Variants in CFAP263 observed in about 807,000 individuals in gnomAD.
CFAP263 encodes the protein cilia- and flagella-associated protein 263.
the CFAP263 span, chr16:58,262,292 C>T: frequency 9.9e-6 from 12 of 1,217,948 alleles, no homozygotes; most frequent in Middle Eastern, 2.0e-4. Context: ...GATGACTGAC[C>T]TCCAAAGTCT....
the CFAP263 span, among the ~76,000 whole-genome samples, chr16:58,260,526 A>G: frequency 2.0e-5 from 3 of 152,100 alleles, no homozygotes; most frequent in Admixed American, 6.6e-5. Flanking sequence ...AATTTAAAAG[A>G]CCCTCAAGAC....
the CFAP263 span, among the ~76,000 whole-genome samples, chr16:58,279,478 T>C: frequency 6.6e-6 from 1 of 152,006 alleles, no homozygotes; most frequent in Admixed American, 6.6e-5. Flanking sequence ...AGAAACATGC[T>C]CTATAGAAAA....
the CFAP263 span, chr16:58,279,688 C>A: frequency 6.5e-7 from 1 of 1,540,612 alleles, no homozygotes. Flanking sequence ...TTTTTTTTTG[C>A]AGATGTCCTT....
the CFAP263 span, chr16:58,280,894 A>G: frequency 1.3e-6 from 1 of 773,472 alleles, no homozygotes; most frequent in South Asian, 2.2e-5. Flanking sequence ...TATAGGATAC[A>G]ATTTCAAATC....
the CFAP263 span, chr16:58,259,865 G>T: frequency 1.3e-6 from 2 of 1,578,594 alleles, no homozygotes; most frequent in South Asian, 2.3e-5. Context: ...ATAATATGAA[G>T]GAGAAATTAC....
At chr16:58,259,241 A>C in the CFAP263 span, among the ~76,000 whole-genome samples, 5 of 152,122 alleles carry the variant, frequency 3.3e-5, no homozygotes, top group Non-Finnish European at 4.4e-5. Context: ...AACCTTTAAA[A>C]AAATTGTTAT....
At chr16:58,279,607 T>G in the CFAP263 span, 1 of 1,137,782 alleles carries the variant, frequency 8.8e-7, no homozygotes, top group Non-Finnish European at 1.2e-6. Flanking sequence ...GCATTCTCAG[T>G]AGCCACAATC....
the CFAP263 span, among the ~76,000 whole-genome samples, chr16:58,270,461 G>T: frequency 6.6e-6 from 1 of 151,416 alleles, no homozygotes. Flanking sequence ...TATTGTTTTT[G>T]CACTATCTTA....
chr16:58,260,007 C>A, the CFAP263 span: 3 of 901,952 alleles, frequency 3.3e-6, no homozygotes, highest in East Asian at 2.6e-5. Context: ...AGGTTCCCAC[C>A]CCCACCCCAA....
the CFAP263 span, among the ~76,000 whole-genome samples, chr16:58,263,883 G>A: frequency 6.6e-6 from 1 of 152,146 alleles, no homozygotes; most frequent in African/African-American, 2.4e-5. Context: ...GGAGGCTGAG[G>A]CATAAGGATT....
At chr16:58,264,340 C>T in the CFAP263 span, among the ~76,000 whole-genome samples, 3 of 152,210 alleles carry the variant, frequency 2.0e-5, 1 homozygote, top group African/African-American at 4.8e-5. Context: ...GGAAATGGAG[C>T]TACTGATTTT....
the CFAP263 span, chr16:58,262,235 C>A: frequency 1.4e-6 from 1 of 696,278 alleles, no homozygotes; most frequent in Non-Finnish European, 2.4e-6. Context: ...TAACACCATG[C>A]CTGGGACCAA....
At chr16:58,270,844 T>C in the CFAP263 span, among the ~76,000 whole-genome samples, 21,740 of 152,164 alleles carry the variant, frequency 0.14, 1,677 homozygotes, top group East Asian at 0.2. Context: ...GAAATATGTT[T>C]ACAGAGTTTG....
chr16:58,250,612 A>G, the CFAP263 span, among the ~76,000 whole-genome samples: 3 of 152,242 alleles, frequency 2.0e-5, no homozygotes, highest in Non-Finnish European at 4.4e-5. Flanking sequence ...TAAAGATACA[A>G]AAATTAGCCA....
the CFAP263 span, among the ~76,000 whole-genome samples, chr16:58,278,812 G>A: frequency 6.6e-6 from 1 of 150,730 alleles, no homozygotes; most frequent in African/African-American, 2.4e-5. Context: ...TTTTTTGAAA[G>A]TTCCCCCTTT....
chr16:58,279,958 T>C, the CFAP263 span: 1 of 625,870 alleles, frequency 1.6e-6, no homozygotes, highest in Non-Finnish European at 2.8e-6. Context: ...GCCTGGCCCC[T>C]GGAACTGTTA....
the CFAP263 span, among the ~76,000 whole-genome samples, chr16:58,250,700 G>A: frequency 1.3e-5 from 2 of 151,278 alleles, no homozygotes; most frequent in African/African-American, 4.9e-5. Flanking sequence ...GGGAGGCGGA[G>A]GTTGCAGTGA....
the CFAP263 span, chr16:58,282,544 A>T: frequency 6.6e-6 from 1 of 152,456 alleles, no homozygotes; most frequent in East Asian, 1.9e-4. Flanking sequence ...GCCAGCGGGG[A>T]GGCCATGCTG....
chr16:58,253,961 C>T, the CFAP263 span: 1 of 1,612,268 alleles, frequency 6.2e-7, no homozygotes. Flanking sequence ...ATTACCAATT[C>T]CTCTTTGACA....
Sources: allele counts gnomAD v4.1 joint callset (sites outside exome capture counted in the v4.1 genomes callset), GRCh38; gene constraint gnomAD v4.1.1; transcripts MANE v1.5; gene names NCBI Gene and HGNC (gene_info 2026-07-23, HGNC 2026-07-21).